The following MYO3B variants were observed in gnomAD, a reference collection of about 807,000 sequenced individuals.
MYO3B encodes myosin IIIB.
MYO3B carries 156 observed loss-of-function variants against 174.6 expected under a neutral mutation model. The observed-to-expected ratio is 0.89, with a 90% CI of 0.78 to 1.02. The LOEUF (loss-of-function observed/expected upper bound fraction) is 1.02. MYO3B is among the 50% of genes least tolerant of loss of function. The pLI is 0.00. For synonymous variants in MYO3B, 563 were observed against 569.1 expected, an observed-to-expected ratio of 0.99 and a Z score of 0.15; for missense variants, 1,632 against 1,639.4, an observed-to-expected ratio of 1.00 and a Z score of 0.08.
chr2:170,221,818 C>A (rs1302193788), intron 6 of MYO3B, among the ~76,000 whole-genome samples: 1 of 152,172 alleles, frequency 6.6e-6, no homozygotes, highest in Admixed American at 6.5e-5. Context: ...CCTTCTGCTT[C>A]AGCCTCCCGA....
intron 30 of MYO3B, among the ~76,000 whole-genome samples, chr2:170,541,770 A>T (rs969303743): frequency 6.6e-6 from 1 of 152,190 alleles, no homozygotes; most frequent in Admixed American, 6.5e-5. Context: ...AATAGAGCAG[A>T]TCCAGTCCCT....
intron 32 of MYO3B, among the ~76,000 whole-genome samples, chr2:170,571,304 C>A (rs1352286589): frequency 1.3e-5 from 2 of 152,106 alleles, no homozygotes; most frequent in African/African-American, 4.8e-5. Flanking sequence ...AATGGGAGCC[C>A]TGTGGAAGCG....
At chr2:170,472,506 A>C (rs550347690) in intron 25 of MYO3B, among the ~76,000 whole-genome samples, 1 of 152,230 alleles carries the variant, frequency 6.6e-6, no homozygotes, top group Non-Finnish European at 1.5e-5. Flanking sequence ...GTCTTTGACC[A>C]GGCATTAACT....
At chr2:170,219,265 T>A (rs1275842110) in intron 6 of MYO3B, among the ~76,000 whole-genome samples, 1 of 152,230 alleles carries the variant, frequency 6.6e-6, no homozygotes, top group Non-Finnish European at 1.5e-5. Flanking sequence ...GGCAGGCAGG[T>A]CTCCCAACTG....
chr2:170,338,603 T>A (rs1334491335), intron 8 of MYO3B, among the ~76,000 whole-genome samples: 1 of 152,124 alleles, frequency 6.6e-6, no homozygotes, highest in Admixed American at 6.6e-5. Context: ...TACTTTCTTT[T>A]TTTTGTTTGT....
intron 3 of MYO3B, among the ~76,000 whole-genome samples, chr2:170,214,117 T>G (rs1338257313): frequency 6.6e-6 from 1 of 152,252 alleles, no homozygotes; most frequent in Non-Finnish European, 1.5e-5. Flanking sequence ...TATTTTTATT[T>G]TATATTTGGC....
chr2:170,454,890 T>C (rs1265750120), intron 23 of MYO3B, among the ~76,000 whole-genome samples: 1 of 152,178 alleles, frequency 6.6e-6, no homozygotes, highest in East Asian at 1.9e-4. Flanking sequence ...TTAGGAGTTC[T>C]GATTGGTCAG....
intron 7 of MYO3B, among the ~76,000 whole-genome samples, chr2:170,281,814 G>A (rs965879354): frequency 5.9e-5 from 9 of 151,970 alleles, no homozygotes; most frequent in African/African-American, 1.7e-4. Context: ...TAATAAGATA[G>A]GCCACTAGCT....
chr2:170,279,167 G>T (rs1209637004), intron 7 of MYO3B, among the ~76,000 whole-genome samples: 1 of 152,000 alleles, frequency 6.6e-6, no homozygotes, highest in Non-Finnish European at 1.5e-5. Context: ...TTGCTGGATT[G>T]TACAGTAGTT....
At chr2:170,617,661 C>T (rs1245378856) in intron 32 of MYO3B, among the ~76,000 whole-genome samples, 1 of 152,162 alleles carries the variant, frequency 6.6e-6, no homozygotes, top group African/African-American at 2.4e-5. Context: ...GGCGCAACCC[C>T]TGCCCCTTTC....
At chr2:170,387,417 TC>T in intron 14 of MYO3B, 109 bp downstream of exon 14, 1 of 949,310 alleles carries the variant, frequency 1.1e-6, no homozygotes, top group African/African-American at 1.7e-5. Flanking sequence ...TCCCCTACCC[TC>T]CCCAAGGGCA....
chr2:170,398,288 A>G (rs1239413219), intron 16 of MYO3B, among the ~76,000 whole-genome samples: 1 of 151,570 alleles, frequency 6.6e-6, no homozygotes, highest in Non-Finnish European at 1.5e-5. Flanking sequence ...GAAAAAATGC[A>G]TATGGCAAAG....
intron 30 of MYO3B, among the ~76,000 whole-genome samples, chr2:170,533,315 T>A (rs1689474280): frequency 6.6e-6 from 1 of 152,082 alleles, no homozygotes; most frequent in South Asian, 2.1e-4. Flanking sequence ...TTTAGTGCCA[T>A]GTGTGTCATG....
chr2:170,549,315 A>G (rs1017607914), intron 32 of MYO3B, among the ~76,000 whole-genome samples: 1 of 152,190 alleles, frequency 6.6e-6, no homozygotes, highest in Non-Finnish European at 1.5e-5. Flanking sequence ...AGTAGCAAGC[A>G]GTATTCTACT....
At chr2:170,186,703 G>T (rs376238786) in intron 1 of MYO3B, among the ~76,000 whole-genome samples, 1 of 152,088 alleles carries the variant, frequency 6.6e-6, no homozygotes, top group South Asian at 2.1e-4. Context: ...ATTGGCATTA[G>T]TTCTTCTTTA....
rs1186020464 is a variant in MYO3B at position 170,514,915 on chromosome 2, C to T, written c.3371-6C>T. 1.2e-6 allele frequency: 2 copies of T among 1,612,000 alleles called. No individual in the cohort carries two copies. Among genetic ancestry groups the T allele is most frequent in the Non-Finnish European group, 1.7e-6 (2 of 1,178,928 alleles). On this transcript the variant is annotated splice_polypyrimidine_tract_variant and splice_region_variant and intron_variant, in intron 28 of 34. Coordinates refer to ENST00000408978, the MANE Select transcript of MYO3B (RefSeq NM_138995.5). ...CTTGAGAAAGTCTTTTTGTTTCATT[C>T]CACAGGGGACACTTCAAACCAAAGC... is the stretch of plus-strand genomic sequence containing the variant.
intron 7 of MYO3B, among the ~76,000 whole-genome samples, chr2:170,308,158 A>G (rs375135786): frequency 3.3e-5 from 5 of 152,294 alleles, no homozygotes; most frequent in African/African-American, 9.6e-5. Context: ...TGTTTGCCCT[A>G]TTGAACCCCA....
chr2:170,538,441 TC>T (rs1312949226), intron 30 of MYO3B, among the ~76,000 whole-genome samples: 1 of 152,196 alleles, frequency 6.6e-6, no homozygotes, highest in Admixed American at 6.5e-5. Flanking sequence ...TGAGGCCCAG[TC>T]CCTGGACCAT....
intron 23 of MYO3B, among the ~76,000 whole-genome samples, chr2:170,457,219 T>A (rs931240025): frequency 2.6e-5 from 4 of 152,218 alleles, no homozygotes; most frequent in Non-Finnish European, 4.4e-5. Flanking sequence ...ACTTTATAAA[T>A]AATGTACACT....
Sources: allele counts gnomAD v4.1 joint callset (sites outside exome capture counted in the v4.1 genomes callset), GRCh38; gene constraint gnomAD v4.1.1; transcripts MANE v1.5; gene names NCBI Gene and HGNC (gene_info 2026-07-23, HGNC 2026-07-21).